The following NEO1 variants were observed in gnomAD, a reference collection of about 807,000 sequenced individuals.
NEO1 encodes the protein neogenin.
NEO1 carries 63 observed loss-of-function variants against 159.7 expected under a neutral mutation model. The observed-to-expected ratio is 0.39, with a 90% CI of 0.32 to 0.49. The LOEUF (loss-of-function observed/expected upper bound fraction) is 0.49, where lower values mean the gene tolerates loss of function less well. Ranked by LOEUF, NEO1 falls within the 20% of genes least tolerant of loss-of-function variation. The pLI, the probability that NEO1 is intolerant of heterozygous loss-of-function variation, is 0.85. For synonymous variants in NEO1, 633 were observed against 662.0 expected (o/e 0.96, Z 0.67); for missense variants, 1,615 against 1,831.0 (o/e 0.88, Z 2.15).
chr15:73,220,839 C>A (rs946580317), intron 7 of NEO1, among the ~76,000 whole-genome samples: 8 of 152,204 alleles, frequency 5.3e-5, no homozygotes, highest in Non-Finnish European at 7.4e-5. Context: ...AAATTTTTTT[C>A]AAAGTTTTCA....
At chr15:73,290,079 G>A (rs2042103836) in intron 25 of NEO1, among the ~76,000 whole-genome samples, 1 of 152,084 alleles carries the variant, frequency 6.6e-6, no homozygotes, top group African/African-American at 2.4e-5. Context: ...AGGTTGCATT[G>A]AGCTATGATT....
chr15:73,150,578 G>T (rs1474431332), intron 5 of NEO1, among the ~76,000 whole-genome samples: 1 of 152,034 alleles, frequency 6.6e-6, no homozygotes, highest in East Asian at 1.9e-4. Flanking sequence ...GACATACCCA[G>T]ATCCTTAAGC....
chr15:73,249,323 A>C (rs2039955201), intron 10 of NEO1, 115 bp downstream of exon 10: 1 of 1,226,766 alleles, frequency 8.2e-7, no homozygotes. Flanking sequence ...AAACATAGGA[A>C]ATGAAAAGTT....
At chr15:73,258,984 A>G in intron 14 of NEO1, 108 bp downstream of exon 14, 2 of 841,860 alleles carry the variant, frequency 2.4e-6, no homozygotes, top group East Asian at 5.2e-5. Flanking sequence ...AAGTCTGTGA[A>G]CTTTAGTGCA....
chr15:73,178,205 A>G, intron 6 of NEO1, 102 bp from the exon 7 acceptor site: 1 of 1,077,398 alleles, frequency 9.3e-7, no homozygotes, highest in South Asian at 1.6e-5. Flanking sequence ...GATCATAAAA[A>G]CTTTACTTGT....
At chr15:73,231,375 A>G (rs2150824515) in intron 7 of NEO1, among the ~76,000 whole-genome samples, 1 of 152,298 alleles carries the variant, frequency 6.6e-6, no homozygotes, top group Non-Finnish European at 1.5e-5. Context: ...ACCACAACAG[A>G]ATTAAATTAG....
chr15:73,267,612 C>T (rs1160102756), intron 16 of NEO1, among the ~76,000 whole-genome samples: 7 of 147,942 alleles, frequency 4.7e-5, no homozygotes, highest in African/African-American at 1.2e-4. Context: ...TTGTTCAGCT[C>T]CCACCTATGA....
At chr15:73,110,843 A>G (rs1046500510) in intron 1 of NEO1, among the ~76,000 whole-genome samples, 27 of 152,156 alleles carry the variant, frequency 1.8e-4, no homozygotes, top group African/African-American at 6.3e-4. Context: ...TTTTTATACA[A>G]AGTCAGCTAA....
chr15:73,224,340 A>C (rs899437971), intron 7 of NEO1, among the ~76,000 whole-genome samples: 1 of 152,116 alleles, frequency 6.6e-6, no homozygotes, highest in Non-Finnish European at 1.5e-5. Flanking sequence ...TGCTTCTTGT[A>C]TTTGGATGTC....
intron 20 of NEO1, 103 bp from the exon 21 acceptor site, chr15:73,274,589 G>C: frequency 9.1e-7 from 1 of 1,096,906 alleles, no homozygotes; most frequent in Non-Finnish European, 1.4e-6. Flanking sequence ...TTGGAAGTTT[G>C]TGGGGGTTTT....
intron 6 of NEO1, among the ~76,000 whole-genome samples, chr15:73,177,586 A>G (rs548312281): frequency 2.2e-4 from 33 of 152,238 alleles, no homozygotes; most frequent in African/African-American, 5.8e-4. Flanking sequence ...TCGCTGTGTC[A>G]CCCTGGCTGG....
chr15:73,126,528 C>T lies in NEO1; in HGVS notation c.836C>T (p.Thr279Ile), dbSNP rs1431876565. ...PCVASGLPTPTIKWMKNEEAL... is the reference protein window; with the variant it reads ...PCVASGLPTPIIKWMKNEEAL... Reference sequence around the variant, plus strand: ...GTTGCTTCAGGACTTCCTACTCCAACCATTAAATGGATGAAAAATGAGGAG... The same window carrying T: ...GTTGCTTCAGGACTTCCTACTCCAATCATTAAATGGATGAAAAATGAGGAG... Residue 279 changes from threonine to isoleucine, a missense_variant, in exon 4 of 29, where the codon ACC becomes ATC. Thr to Ile is a moderately conservative substitution (Grantham distance 89, BLOSUM62 -1). Coordinates refer to ENST00000261908, the MANE Select transcript of NEO1 (RefSeq NM_002499.4). The T allele has an allele frequency of 2.5e-6, 4 of 1,613,526 alleles. No homozygotes were observed. Among genetic ancestry groups the T allele is most frequent in the Non-Finnish European group, 3.4e-6 (4 of 1,179,858 alleles).
At chr15:73,086,376 G>C (rs971478706) in intron 1 of NEO1, among the ~76,000 whole-genome samples, 12 of 151,980 alleles carry the variant, frequency 7.9e-5, no homozygotes, top group African/African-American at 2.7e-4. Flanking sequence ...CTTCAATTTT[G>C]TTTTTCTTTT....
At position 73,278,198 on chromosome 15, in the gene NEO1, C is replaced by A. The variant is rs768546056; in HGVS notation, c.3261C>A (p.Ser1087Arg). 6.2e-7 allele frequency: 1 copy of A among 1,611,150 alleles called. No individual in the cohort carries two copies. The highest frequency in any genetic ancestry group is 1.3e-5 in the African/African-American group (1 of 74,988). ...GATCCGACTACAAACCTCCAATGAG[C>A]GGTAAAGCCTTTCCCATGGCGTTTT... ...DLGSDYKPPM[S>R]GSNSPHGSPT... Residue 1087 changes from serine (S) to arginine (R), a missense_variant and splice_region_variant, in exon 22 of 29, where the codon AGC (serine) becomes AGA (arginine). Coordinates refer to ENST00000261908, the MANE Select transcript of NEO1 (RefSeq NM_002499.4).
At position 73,052,770 on chromosome 15, in the gene NEO1, C is replaced by A; in HGVS notation, c.95C>A (p.Ala32Glu). 8.1e-7 allele frequency: 1 copy of A among 1,241,120 alleles called. No homozygotes were observed. The highest frequency in any genetic ancestry group is 1.0e-6 in the Non-Finnish European group (1 of 984,622). 76.9% of individuals were successfully genotyped at this position (1,241,120 alleles called of 1,614,324 possible). Residue 32 changes from alanine (A) to glutamate (E), a missense_variant, in exon 1 of 29, where the codon GCG (alanine) becomes GAG (glutamate). Physicochemically the swap from Ala to Glu is moderately radical, Grantham distance 107. Transcript: ENST00000261908. ...LLLGRRAPGA[A>E]AARSGSAPQS... Reference sequence around the variant, plus strand: ...CTCGGGCGCCGGGCGCCGGGCGCCGCGGCCGCCAGGAGCGGCTCCGCGCCG... The same window carrying A: ...CTCGGGCGCCGGGCGCCGGGCGCCGAGGCCGCCAGGAGCGGCTCCGCGCCG...
chr15:73,104,062 G>C (rs533773062), intron 1 of NEO1, among the ~76,000 whole-genome samples: 1 of 152,062 alleles, frequency 6.6e-6, no homozygotes, highest in Admixed American at 6.6e-5. Flanking sequence ...AGGTCTCACT[G>C]TTTTGCTCAG....
chr15:73,167,016 A>G (rs371907572), intron 5 of NEO1, among the ~76,000 whole-genome samples: 1 of 151,558 alleles, frequency 6.6e-6, no homozygotes, highest in East Asian at 2.0e-4. Flanking sequence ...TCAGCAAACT[A>G]TCGCAAGGAC....
At chr15:73,182,964 AAGTG>A (rs1596282930) in intron 7 of NEO1, among the ~76,000 whole-genome samples, 1 of 152,332 alleles carries the variant, frequency 6.6e-6, no homozygotes, top group East Asian at 1.9e-4. Context: ...GCTACTGTAA[AAGTG>A]AGTAAGAGGA....
chr15:73,158,208 C>CTT (rs1047852394), intron 5 of NEO1, among the ~76,000 whole-genome samples: 13,582 of 82,466 alleles, frequency 0.16, 1,247 homozygotes, highest in Non-Finnish European at 0.23. Context: ...GAGTGAGACT[C>CTT]TTTTTTTTTT....
Sources: gnomAD v4.1 joint callset for allele counts (sites outside exome capture counted in the v4.1 genomes callset) on GRCh38, gnomAD v4.1.1 for gene constraint, MANE v1.5 for transcripts, NCBI Gene and HGNC (gene_info 2026-07-23, HGNC 2026-07-21) for gene names.